Variants in GPATCH8 observed in about 807,000 individuals in gnomAD.
GPATCH8 encodes G patch domain-containing protein 8.
A neutral mutation model predicts 118.3 loss-of-function variants in GPATCH8; 18 were observed. The ratio of observed to expected loss-of-function variants is 0.15; its 90% CI spans 0.11 to 0.23. GPATCH8 has a LOEUF of 0.23. Ranked by LOEUF, GPATCH8 falls within the 10% of genes least tolerant of loss-of-function variation. The probability of loss-of-function intolerance (pLI) is 1.00; values close to 1 mark genes in which losing one functional copy is unlikely to be tolerated. For missense variants in GPATCH8, 1,631 were observed against 1,873.8 expected, an observed-to-expected ratio of 0.87 and a Z score of 2.39; for synonymous variants, 659 against 684.7, an observed-to-expected ratio of 0.96 and a Z score of 0.59.
chr17:44,427,701 CATAAT>C (rs1376069259), intron 5 of GPATCH8, among the ~76,000 whole-genome samples: 2 of 151,966 alleles, frequency 1.3e-5, no homozygotes, highest in African/African-American at 4.8e-5. Context: ...AAGTAGTGTA[CATAAT>C]ATAATAATTA....
chr17:44,396,162 CAG>C lies in GPATCH8; in HGVS notation c.*1404_*1405del. 1 of 454,474 alleles carries C rather than the reference CAG, an allele frequency of 2.2e-6. No homozygotes were observed. The highest frequency in any genetic ancestry group is 1.6e-5 in the South Asian group (1 of 64,472). The allele number at this position is 454,474 out of a possible 1,614,324, so 28.2% of individuals were successfully genotyped here. A position where few individuals can be genotyped will look rare whatever the true frequency, so the allele number is the denominator to read the frequency against. On this transcript the variant is annotated 3_prime_UTR_variant, in exon 8 of 8. Transcript: ENST00000591680. ...AAAGGCACATTAAAAAAAAAATTGTCAGAGGGGGCTAAGTACTAGGAAGGCAA... is the reference window on the plus strand; with the variant it reads ...AAAGGCACATTAAAAAAAAAATTGTCAGGGGGCTAAGTACTAGGAAGGCAA...
chr17:44,470,490 A>C (rs934032845), intron 2 of GPATCH8, among the ~76,000 whole-genome samples: 10 of 137,820 alleles, frequency 7.3e-5, no homozygotes, highest in East Asian at 2.1e-4. Flanking sequence ...CACTGCACCC[A>C]GCGCTTTTTT....
At chr17:44,444,050 T>C (rs1240840097) in intron 3 of GPATCH8, among the ~76,000 whole-genome samples, 2 of 152,278 alleles carry the variant, frequency 1.3e-5, no homozygotes, top group African/African-American at 2.4e-5. Flanking sequence ...CATCTGATAC[T>C]TTCCATCTAG....
chr17:44,499,657 T>C (rs1200308303), intron 1 of GPATCH8, among the ~76,000 whole-genome samples: 1 of 152,196 alleles, frequency 6.6e-6, no homozygotes, highest in Non-Finnish European at 1.5e-5. Context: ...TACATCACTG[T>C]ACAAACAAAA....
intron 3 of GPATCH8, 101 bp downstream of exon 3, chr17:44,464,371 A>C (rs1356697249): frequency 1.2e-6 from 1 of 807,502 alleles, no homozygotes; most frequent in Admixed American, 1.7e-5. Flanking sequence ...AGTAGGGAGA[A>C]ACCCAAGTAC....
chr17:44,406,508 G>GGGGGGTT (rs1555622781), intron 6 of GPATCH8, among the ~76,000 whole-genome samples: 2 of 94,312 alleles, frequency 2.1e-5, no homozygotes, highest in Non-Finnish European at 4.0e-5. Context: ...GGGGGGGGGG[G>GGGGGGTT]TTATTTAAAT....
chr17:44,462,549 A>C (rs1344162412), intron 3 of GPATCH8, among the ~76,000 whole-genome samples: 1 of 152,234 alleles, frequency 6.6e-6, no homozygotes, highest in Non-Finnish European at 1.5e-5. Flanking sequence ...AAAGGTAATT[A>C]AATCTTCTAT....
At chr17:44,467,184 T>C in intron 2 of GPATCH8, 1 of 575,396 alleles carries the variant, frequency 1.7e-6, no homozygotes, top group South Asian at 1.7e-5. Flanking sequence ...GTTTTTTTTT[T>C]TGTCTTGTTT....
Position 44,462,496 on chromosome 17 carries a change from G to A in GPATCH8, c.193+1976C>T, listed in dbSNP as rs79356041. ...ATTGCTCTTAATCAGAGTATTCTTTGTATTGTTTGTAAAGAGTTCTTGTGC... is the reference window on the plus strand; with the variant it reads ...ATTGCTCTTAATCAGAGTATTCTTTATATTGTTTGTAAAGAGTTCTTGTGC... On this transcript the variant is annotated intron_variant, in intron 3 of 7. Coordinates refer to ENST00000591680, the MANE Select transcript of GPATCH8 (RefSeq NM_001002909.4). 4.1e-3 allele frequency among the ~76,000 whole-genome samples: 628 copies of A among 152,202 alleles called. 9 individuals are homozygous for A. The highest frequency in any genetic ancestry group is 0.014 in the African/African-American group (577 of 41,516).
rs182906381 is a variant in GPATCH8, at chr17:44,421,310, C to T, written c.492+3039G>A. Among the ~76,000 whole-genome samples the T allele has an allele frequency of 8.4e-3, 1,274 of 150,848 alleles. 12 individuals are homozygous for T. The highest frequency in any genetic ancestry group is 0.012 in the Non-Finnish European group (812 of 67,726). ...GAGCCGAGATCGCGCCATTGCACTT[C>T]AGCCTGGGCAACAAGAGTGAAACTC... On this transcript the variant is annotated intron_variant, in intron 6 of 7. Transcript: ENST00000591680.
intron 1 of GPATCH8, chr17:44,486,213 C>T (rs1968769880): frequency 6.6e-6 from 1 of 152,194 alleles, no homozygotes; most frequent in Non-Finnish European, 1.5e-5. Flanking sequence ...AGTTCTTTCA[C>T]ATTCTTGCTC....
At chr17:44,434,529 C>A (rs1371398506) in intron 5 of GPATCH8, among the ~76,000 whole-genome samples, 2 of 152,184 alleles carry the variant, frequency 1.3e-5, no homozygotes, top group African/African-American at 4.8e-5. Context: ...CATGGTGAAA[C>A]CCCATCTCTA....
At position 44,399,678 on chromosome 17, in the gene GPATCH8, C is replaced by A; in HGVS notation, c.2399G>T (p.Gly800Val). The change falls in exon 8 of 8, where the codon GGC (glycine) becomes GTC (valine). Residue 800 changes from glycine (G) to valine (V), a missense_variant. Gly to Val is a moderately radical substitution (Grantham distance 109). Coordinates refer to ENST00000591680, the MANE Select transcript of GPATCH8 (RefSeq NM_001002909.4). ...GCTAGACCGGCTGCTCCGTTTGGTG[C>A]CTGCTCTTCGCTGGCAGGATGAAGG... ...LPPSSCQRRA[G>V]TKRSSRSSHR... 5 of 1,614,188 alleles carry A rather than the reference C, an allele frequency of 3.1e-6. No homozygotes were observed. The highest frequency in any genetic ancestry group is 4.2e-6 in the Non-Finnish European group (5 of 1,180,018).
At position 44,395,810 on chromosome 17, in the gene GPATCH8, T is replaced by C. The variant is rs1437215812; in HGVS notation, c.*1758A>G. The stretch of plus-strand genomic sequence containing the variant: ...AACCAACCAATTCTAGCCACACGAA[T>C]AGTTAGGAAAATGCCAAAGTGGGAA... On this transcript the variant is annotated 3_prime_UTR_variant, in exon 8 of 8. Transcript: ENST00000591680. 1 of 453,986 alleles carries C rather than the reference T, an allele frequency of 2.2e-6. No homozygotes were observed. The highest frequency in any genetic ancestry group is 4.4e-6 in the Non-Finnish European group (1 of 226,796). 28.1% of individuals were successfully genotyped at this position (453,986 alleles called of 1,614,324 possible). A position where few individuals can be genotyped will look rare whatever the true frequency, so the allele number is the denominator to read the frequency against.
At chr17:44,431,190 A>G (rs901847263) in intron 5 of GPATCH8, among the ~76,000 whole-genome samples, 2 of 150,740 alleles carry the variant, frequency 1.3e-5, no homozygotes, top group Non-Finnish European at 3.0e-5. Context: ...GGCCAACATG[A>G]CAGAACCCTG....
At position 44,503,354 on chromosome 17, in the gene GPATCH8, G is replaced by A. The variant is rs1408701384; in HGVS notation, c.17C>T (p.Ser6Phe). The change falls in exon 1 of 8, where the codon TCC becomes TTC. Residue 6 changes from serine to phenylalanine, a missense_variant. This residue lies in a region of GPATCH8 where 28 missense variants were observed against 33.9 expected (regional missense o/e 0.83). Coordinates refer to ENST00000591680, the MANE Select transcript of GPATCH8 (RefSeq NM_001002909.4). Reference sequence around the variant, plus strand: ...AAAGTCTCGGTCTTCGTTGAAGCGGGAGAAGCGGTCCGCCATTTTGCCGCC... The same window carrying A: ...AAAGTCTCGGTCTTCGTTGAAGCGGAAGAAGCGGTCCGCCATTTTGCCGCC... Reference protein sequence around the residue: MADRFSRFNEDRDFQG... With the variant: MADRFFRFNEDRDFQG... 1 of 1,610,804 alleles carries A rather than the reference G, an allele frequency of 6.2e-7. No homozygotes were observed. The highest frequency in any genetic ancestry group is 1.7e-5 in the Admixed American group (1 of 59,688).
chr17:44,411,052 G>A (rs2143757928), intron 6 of GPATCH8, among the ~76,000 whole-genome samples: 1 of 152,322 alleles, frequency 6.6e-6, no homozygotes, highest in South Asian at 2.1e-4. Context: ...AGGTAAATCT[G>A]AATGTGGATT....
chr17:44,483,965 C>CTAT (rs1968569746), intron 1 of GPATCH8, among the ~76,000 whole-genome samples: 1 of 152,090 alleles, frequency 6.6e-6, no homozygotes, highest in South Asian at 2.1e-4. Flanking sequence ...CTTCAGCGTC[C>CTAT]CGAGTAGCTA....
At chr17:44,463,911 G>A (rs540056231) in intron 3 of GPATCH8, among the ~76,000 whole-genome samples, 2 of 152,116 alleles carry the variant, frequency 1.3e-5, no homozygotes, top group Non-Finnish European at 2.9e-5. Context: ...ATAGGAACCT[G>A]AGAAATAACC....
Sources: allele counts gnomAD v4.1 joint callset (sites outside exome capture counted in the v4.1 genomes callset), GRCh38; gene constraint gnomAD v4.1.1; regional missense constraint gnomAD v4.1.1; transcripts MANE v1.5; gene names NCBI Gene and HGNC (gene_info 2026-07-23, HGNC 2026-07-21).